FARS2: variants seen among roughly 807,000 people sequenced by gnomAD.
FARS2 encodes the protein phenylalanine--tRNA ligase, mitochondrial.
A neutral mutation model predicts 46.4 loss-of-function variants in FARS2; 40 were observed. The observed-to-expected ratio is 0.86, with a 90% confidence interval of 0.67 to 1.12. The LOEUF (loss-of-function observed/expected upper bound fraction) is 1.12. Among genes scored for constraint, FARS2 ranks in the 50% most tolerant of loss-of-function variants. The probability of loss-of-function intolerance (pLI) is 0.00; values close to 1 mark genes in which losing one functional copy is unlikely to be tolerated. For missense variants in FARS2, 513 were observed against 567.9 expected (o/e 0.90, Z 0.98); for synonymous variants, 234 against 214.9 (o/e 1.09, Z -0.78).
rs190112483 is a variant in FARS2, at chr6:5,524,386, T to C, written c.905-20794T>C. ...CCTGGGCAGAGGAAGCTACAGGGAA[T>C]CCTAGAATCCCTAAGCAGAATAAAA... On this transcript the variant is annotated intron_variant, in intron 4 of 6. Transcript: ENST00000274680. 5.8e-3 allele frequency among the ~76,000 whole-genome samples: 889 copies of C among 152,310 alleles called. 10 individuals are homozygous for C. Among genetic ancestry groups the C allele is most frequent in the African/African-American group, 0.02 (848 of 41,566 alleles).
In FARS2 at chr6:5,544,625, T is replaced by C. The variant is rs145168571; in HGVS notation, c.905-555T>C. Among the ~76,000 whole-genome samples, 429 of 152,302 alleles carry C rather than the reference T, an allele frequency of 2.8e-3. 2 individuals carry two copies. The highest frequency in any genetic ancestry group is 9.7e-3 in the African/African-American group (405 of 41,554). On this transcript the variant is annotated intron_variant, in intron 4 of 6. Transcript: ENST00000274680. ...AGTTATACCCCTCGTCTGGGCCTGC[T>C]TGTGTTCTCTGCAATGCTGAAGTGG...
intron 4 of FARS2, among the ~76,000 whole-genome samples, chr6:5,486,552 A>G (rs34454236): frequency 0.12 from 18,960 of 152,220 alleles, 1,606 homozygotes; most frequent in Non-Finnish European, 0.18. Context: ...TGAGTAAATG[A>G]TTGCTTTCCC....
At chr6:5,360,982 A>G (rs927942173) in intron 1 of FARS2, among the ~76,000 whole-genome samples, 1 of 152,214 alleles carries the variant, frequency 6.6e-6, no homozygotes, top group Admixed American at 6.5e-5. Context: ...GCGAGATAGG[A>G]CAATGGTTTT....
At chr6:5,673,634 G>A (rs894321845) in intron 6 of FARS2, among the ~76,000 whole-genome samples, 14 of 152,138 alleles carry the variant, frequency 9.2e-5, no homozygotes, top group Non-Finnish European at 1.9e-4. Context: ...AAGAAACATG[G>A]GAACTTTCCA....
chr6:5,652,037 G>A (rs796625777), intron 6 of FARS2, among the ~76,000 whole-genome samples: 3 of 152,272 alleles, frequency 2.0e-5, no homozygotes, highest in Admixed American at 6.5e-5. Flanking sequence ...ACCTGAACAG[G>A]TAACAGTGTG....
chr6:5,371,981 T>A (rs532346401), intron 2 of FARS2, among the ~76,000 whole-genome samples: 60 of 152,012 alleles, frequency 3.9e-4, no homozygotes, highest in Middle Eastern at 3.4e-3. Context: ...AAAAGAGATA[T>A]CAAGCAAATA....
intron 4 of FARS2, among the ~76,000 whole-genome samples, chr6:5,536,388 C>A (rs1226341632): frequency 6.6e-6 from 1 of 152,040 alleles, no homozygotes; most frequent in Non-Finnish European, 1.5e-5. Flanking sequence ...TTTCTTCATT[C>A]TCATGTTATA....
intron 4 of FARS2, among the ~76,000 whole-genome samples, chr6:5,444,206 A>G (rs191310302): frequency 1.3e-5 from 2 of 151,796 alleles, no homozygotes; most frequent in Non-Finnish European, 2.9e-5. Context: ...CAATGGCTCA[A>G]GCCTGTAATC....
intron 6 of FARS2, among the ~76,000 whole-genome samples, chr6:5,664,106 GT>G (rs1777987377): frequency 6.6e-6 from 1 of 152,190 alleles, no homozygotes; most frequent in Non-Finnish European, 1.5e-5. Context: ...CAGCTTTGGG[GT>G]TTTAAAGAAA....
At chr6:5,441,146 T>C (rs1473786318) in intron 4 of FARS2, among the ~76,000 whole-genome samples, 1 of 152,216 alleles carries the variant, frequency 6.6e-6, no homozygotes, top group African/African-American at 2.4e-5. Flanking sequence ...GGTCTCGAAC[T>C]CCTGACCTCA....
chr6:5,447,576 C>T (rs957053687), intron 4 of FARS2, among the ~76,000 whole-genome samples: 3 of 152,174 alleles, frequency 2.0e-5, no homozygotes, highest in Non-Finnish European at 4.4e-5. Flanking sequence ...TAGGTGAAGG[C>T]TTTTGTTACC....
At chr6:5,762,078 T>C (rs780333491) in intron 6 of FARS2, among the ~76,000 whole-genome samples, 1 of 152,216 alleles carries the variant, frequency 6.6e-6, no homozygotes, top group Non-Finnish European at 1.5e-5. Flanking sequence ...ATGTATCATA[T>C]CAGTGATCCA....
At chr6:5,507,199 T>C (rs1045445693) in intron 4 of FARS2, among the ~76,000 whole-genome samples, 9 of 152,208 alleles carry the variant, frequency 5.9e-5, no homozygotes, top group African/African-American at 2.2e-4. Context: ...ATTTACAGTG[T>C]GGTTAACAAT....
At chr6:5,699,141 G>A (rs1007175978) in intron 6 of FARS2, among the ~76,000 whole-genome samples, 1 of 152,190 alleles carries the variant, frequency 6.6e-6, no homozygotes, top group African/African-American at 2.4e-5. Flanking sequence ...GCCCCCTGTA[G>A]AGTGGCATTG....
chr6:5,472,805 T>G (rs1765878215), intron 4 of FARS2, among the ~76,000 whole-genome samples: 1 of 152,196 alleles, frequency 6.6e-6, no homozygotes, highest in East Asian at 1.9e-4. Flanking sequence ...TTGCTCAATA[T>G]TCTGCCTAAG....
intron 4 of FARS2, among the ~76,000 whole-genome samples, chr6:5,453,296 C>T (rs912341211): frequency 8.6e-5 from 13 of 151,992 alleles, no homozygotes; most frequent in Admixed American, 1.3e-4. Context: ...TAAGTTTGCA[C>T]GAAGAAATAT....
rs548243801 is a variant in FARS2, at chr6:5,419,977, C to A, written c.773-11064C>A. ...TTTTCACATTGCTGATAAAGACATA[C>A]CCGAGACTGGAAAGAAAAACAGGTT... On this transcript the variant is annotated intron_variant, in intron 3 of 6. Coordinates refer to ENST00000274680, the MANE Select transcript of FARS2 (RefSeq NM_006567.5). 7.9e-5 allele frequency among the ~76,000 whole-genome samples: 12 copies of A among 152,250 alleles called. 1 individual carries two copies. In the South Asian group the frequency reaches 2.5e-3, roughly 32 times the overall value.
intron 4 of FARS2, among the ~76,000 whole-genome samples, chr6:5,499,489 G>A (rs774429343): frequency 6.6e-6 from 1 of 152,212 alleles, no homozygotes; most frequent in Non-Finnish European, 1.5e-5. Context: ...TTCAGATTTA[G>A]CACTGCTTGG....
chr6:5,266,512 T>TA (rs956501654), intron 1 of FARS2, among the ~76,000 whole-genome samples: 88 of 149,762 alleles, frequency 5.9e-4, no homozygotes, highest in African/African-American at 2.0e-3. Context: ...TAAAATAGAA[T>TA]AAAAAAAAGA....
Sources: gnomAD v4.1 joint callset for allele counts (sites outside exome capture counted in the v4.1 genomes callset) on GRCh38, gnomAD v4.1.1 for gene constraint, MANE v1.5 for transcripts, NCBI Gene and HGNC (gene_info 2026-07-23, HGNC 2026-07-21) for gene names.